The following PAQR3 variants were observed in gnomAD, a reference collection of about 807,000 sequenced individuals.
PAQR3 encodes the protein Raf kinase trapping to Golgi.
A neutral mutation model predicts 41.7 loss-of-function variants in PAQR3; 39 were observed. That is an observed-to-expected ratio of 0.93 (90% CI 0.72 to 1.22). PAQR3 has a LOEUF of 1.22. PAQR3 is among the 50% of genes most tolerant of loss of function. The pLI is 0.00. For missense variants in PAQR3, 366 were observed against 385.6 expected (o/e 0.95, Z 0.42); for synonymous variants, 140 against 140.6 (o/e 1.00, Z 0.03).
intron 11 of PAQR3, among the ~76,000 whole-genome samples, chr4:78,901,525 G>A (rs1734006031): frequency 6.6e-6 from 1 of 152,138 alleles, no homozygotes; most frequent in South Asian, 2.1e-4. Flanking sequence ...ATCTGTTTAA[G>A]ATGGTGCCAT....
intron 4 of PAQR3, among the ~76,000 whole-genome samples, chr4:78,926,188 T>C (rs1448099058): frequency 6.6e-6 from 1 of 152,206 alleles, no homozygotes; most frequent in Non-Finnish European, 1.5e-5. Context: ...ATTGGCATTA[T>C]CACTGATCCC....
downstream of PAQR3, among the ~76,000 whole-genome samples, chr4:78,909,278 C>T (rs1024857977): frequency 3.9e-5 from 6 of 151,944 alleles, no homozygotes; most frequent in Admixed American, 1.3e-4. Flanking sequence ...CCTCGTGATC[C>T]ACCCGCCTTG....
intron 3 of PAQR3, among the ~76,000 whole-genome samples, chr4:78,929,379 G>C (rs1380990023): frequency 6.6e-6 from 1 of 152,228 alleles, no homozygotes; most frequent in Non-Finnish European, 1.5e-5. Flanking sequence ...CTGAAAGGGA[G>C]AACTTGAGAT....
Position 78,920,366 on chromosome 4 carries a change from A to T in PAQR3, c.*173T>A, listed in dbSNP as rs1176957847. ...AATTAGTAGTTTTAAGGATTTTGTA[A>T]AGCAGTTATTACTACAGATCCTTAA... On this transcript the variant is annotated 3_prime_UTR_variant, in exon 6 of 6. Coordinates refer to ENST00000512733, the MANE Select transcript of PAQR3 (RefSeq NM_001040202.2). 4 of 1,235,282 alleles carry T rather than the reference A, an allele frequency of 3.2e-6. No homozygotes were observed. The highest frequency in any genetic ancestry group is 4.0e-6 in the Non-Finnish European group (4 of 988,206). 76.5% of individuals were successfully genotyped at this position (1,235,282 alleles called of 1,614,324 possible).
intron 11 of PAQR3, among the ~76,000 whole-genome samples, chr4:78,905,212 G>A (rs1189831202): frequency 6.6e-6 from 1 of 151,678 alleles, no homozygotes; most frequent in Non-Finnish European, 1.5e-5. Flanking sequence ...TTTTTGCACG[G>A]CATTTATTTA....
downstream of PAQR3, among the ~76,000 whole-genome samples, chr4:78,907,123 T>A (rs1182359943): frequency 1.3e-5 from 2 of 152,222 alleles, no homozygotes; most frequent in Non-Finnish European, 2.9e-5. Context: ...TGAACAGTTA[T>A]ATATGGAATA....
At chr4:78,934,520 G>C (rs1180888228) in intron 2 of PAQR3, among the ~76,000 whole-genome samples, 1 of 152,130 alleles carries the variant, frequency 6.6e-6, no homozygotes, top group African/African-American at 2.4e-5. Flanking sequence ...AAAATTATCT[G>C]TTTGAAATCT....
chr4:78,897,867 C>A (rs1733785633), intron 11 of PAQR3, among the ~76,000 whole-genome samples: 1 of 152,188 alleles, frequency 6.6e-6, no homozygotes, highest in African/African-American at 2.4e-5. Flanking sequence ...CCTTGCCTCT[C>A]AAGGACTTCG....
At position 78,923,940 on chromosome 4, in the gene PAQR3, G is replaced by A. The variant is rs375034424; in HGVS notation, c.710C>T (p.Ala237Val). Residue 237 changes from alanine to valine, a missense_variant, in exon 5 of 6, where the codon GCA becomes GTA. Transcript: ENST00000512733. Reference protein sequence around the residue: ...GIGAPIVQDFAPRVIVMYMIA... With the variant: ...GIGAPIVQDFVPRVIVMYMIA... ...CATATACATCACAATTACACGGGGT[G>A]CAAAGTCCTGAAAAGCAGAACATGT... The A allele has an allele frequency of 4.3e-6, 7 of 1,611,982 alleles. No homozygotes were observed. Among genetic ancestry groups the A allele is most frequent in the Middle Eastern group, 1.6e-4 (1 of 6,076 alleles).
At chr4:78,896,248 A>G (rs547856941) in intron 11 of PAQR3, among the ~76,000 whole-genome samples, 2 of 152,208 alleles carry the variant, frequency 1.3e-5, no homozygotes, top group Non-Finnish European at 1.5e-5. Flanking sequence ...CAAACTATCA[A>G]ATTTTGGCAG....
chr4:78,910,074 G>A (rs1432986402), downstream of PAQR3, among the ~76,000 whole-genome samples: 1 of 152,130 alleles, frequency 6.6e-6, no homozygotes, highest in Non-Finnish European at 1.5e-5. Context: ...CTTAGCTTTG[G>A]TGAGGCCATT....
At chr4:78,893,713 C>T (rs560332473) in intron 11 of PAQR3, among the ~76,000 whole-genome samples, 2 of 152,290 alleles carry the variant, frequency 1.3e-5, no homozygotes, top group African/African-American at 2.4e-5. Context: ...TAGGCATGCA[C>T]TACAACACCT....
intron 2 of PAQR3, chr4:78,933,248 C>A (rs1560583275): frequency 2.2e-6 from 1 of 456,206 alleles, no homozygotes; most frequent in Admixed American, 2.3e-5. Context: ...GTATATAGGA[C>A]ACATTCAACA....
At chr4:78,933,470 G>C (rs1049016176) in intron 2 of PAQR3, among the ~76,000 whole-genome samples, 2 of 152,138 alleles carry the variant, frequency 1.3e-5, no homozygotes, top group Admixed American at 6.5e-5. Context: ...AATATTAAAT[G>C]TAAATCAATA....
In PAQR3 at chr4:78,939,253, C is replaced by G. The variant is rs1737784912; in HGVS notation, c.-29G>C. The G allele has an allele frequency of 6.4e-7, 1 of 1,568,338 alleles. No individual in the cohort carries two copies. Among genetic ancestry groups the G allele is most frequent in the Non-Finnish European group, 8.6e-7 (1 of 1,160,766 alleles). On this transcript the variant is annotated 5_prime_UTR_variant, in exon 1 of 6. Transcript: ENST00000512733. ...TCCCGGCCGCCGCCGCTCCCCGGCT[C>G]GGGAGCTCCCCCAGGTCCCGCCTCC...
At chr4:78,898,752 G>C (rs1330467054) in intron 11 of PAQR3, 1 of 151,430 alleles carries the variant, frequency 6.6e-6, no homozygotes, top group Non-Finnish European at 1.5e-5. Context: ...TATATGTATT[G>C]AATCACTTGG....
chr4:78,893,556 G>T (rs1733551818), intron 11 of PAQR3, among the ~76,000 whole-genome samples: 1 of 152,162 alleles, frequency 6.6e-6, no homozygotes. Flanking sequence ...CTTATGAAAT[G>T]TATTTCTTAA....
intron 11 of PAQR3, among the ~76,000 whole-genome samples, chr4:78,888,328 T>G (rs1255695457): frequency 6.6e-6 from 1 of 152,226 alleles, no homozygotes; most frequent in Admixed American, 6.5e-5. Context: ...TTATTCTGCA[T>G]AAATGTGTTC....
At chr4:78,898,125 C>G (rs1733799620) in intron 11 of PAQR3, among the ~76,000 whole-genome samples, 1 of 152,118 alleles carries the variant, frequency 6.6e-6, no homozygotes, top group Non-Finnish European at 1.5e-5. Context: ...GAGCAAAGTT[C>G]TAAGACAATT....
Sources: allele counts gnomAD v4.1 joint callset (sites outside exome capture counted in the v4.1 genomes callset), GRCh38; gene constraint gnomAD v4.1.1; transcripts MANE v1.5; gene names NCBI Gene and HGNC (gene_info 2026-07-23, HGNC 2026-07-21).